The following ZNF404 variants were observed in gnomAD, a reference collection of about 807,000 sequenced individuals.
ZNF404 encodes zinc finger protein 404.
A neutral mutation model predicts 7.3 loss-of-function variants in ZNF404; 7 were observed. The ratio of observed to expected loss-of-function variants is 0.95; its 90% CI spans 0.54 to 1.79. The LOEUF is 1.79. Ranked by LOEUF, ZNF404 falls within the 40% of genes most tolerant of loss-of-function variation. The pLI, the probability that ZNF404 is intolerant of heterozygous loss-of-function variation, is 0.00. For synonymous variants in ZNF404, 191 were observed against 209.9 expected (o/e 0.91, Z 0.78); for missense variants, 560 against 661.5 (o/e 0.85, Z 1.68).
chr19:43,872,924 T>C lies in ZNF404; in HGVS notation c.1290A>G (p.Gln430=), dbSNP rs776985372. 8.1e-6 allele frequency: 13 copies of C among 1,608,066 alleles called. No homozygotes were observed. The highest frequency in any genetic ancestry group is 1.1e-5 in the Non-Finnish European group (13 of 1,176,646). The stretch of plus-strand genomic sequence containing the variant: ...AGGGTTTCTCCCCAGCATGAATTGA[T>C]TGATGTGTCTTAAGGTCTCCAACAC... The part of the protein sequence containing the change: ...FSRVGDLKTH[Q]SIHAGEKPYE... Residue 430 remains glutamine (Q), a synonymous_variant, in exon 3 of 3, where the codon CAA becomes CAG. Transcript: ENST00000587539. The surrounding 1 kb of genome is among the most constrained non-coding windows in gnomAD (Gnocchi z 4.4).
chr19:43,873,225 A>C lies in ZNF404; in HGVS notation c.989T>G (p.Met330Arg). Residue 330 changes from methionine to arginine, a missense_variant, in exon 3 of 3, where the codon ATG becomes AGG. Physicochemically the swap from Met to Arg is moderately conservative, Grantham distance 91. Coordinates refer to ENST00000587539, the MANE Select transcript of ZNF404 (RefSeq NM_001033719.3). ...SHTGEKPHEC[M>R]ECGKAFGKGS... ...CTTACCAAAAGCCTTTCCACATTCC[A>C]TGCATTCATGAGGTTTCTCACCAGT... 1 of 1,613,424 alleles carries C rather than the reference A, an allele frequency of 6.2e-7. No individual in the cohort carries two copies.
chr19:43,880,655 A>G (rs1971888118), intron 1 of ZNF404, among the ~76,000 whole-genome samples: 1 of 152,198 alleles, frequency 6.6e-6, no homozygotes, highest in African/African-American at 2.4e-5. Flanking sequence ...TTCAAGACAG[A>G]AAACATTGCG....
intron 1 of ZNF404, among the ~76,000 whole-genome samples, chr19:43,881,365 A>G (rs1347821660): frequency 1.3e-5 from 2 of 152,234 alleles, no homozygotes; most frequent in Non-Finnish European, 2.9e-5. Flanking sequence ...CATTAAAACT[A>G]TCAAGTGAGT....
intron 2 of ZNF404, among the ~76,000 whole-genome samples, chr19:43,877,768 G>A (rs1971861259): frequency 7.7e-6 from 1 of 130,302 alleles, no homozygotes; most frequent in Non-Finnish European, 1.6e-5. Context: ...AGAGTGTGAT[G>A]TTCCCCTTCC....
intron 1 of ZNF404, among the ~76,000 whole-genome samples, chr19:43,882,791 TA>T (rs529329255): frequency 6.5e-3 from 782 of 120,646 alleles, no homozygotes; most frequent in Middle Eastern, 0.018. Context: ...ACCCCATCTC[TA>T]AAAAAAAAAA....
Position 43,873,629 on chromosome 19 carries a change from G to C in ZNF404, c.585C>G (p.Ala195=). ...KPYECNGCEK[A]FRFYSQLIQH... is the part of the protein sequence containing the mutation. ...GAATAAGCTGTGAATAAAACCTAAAGGCCTTCTCACATCCATTGCATTCAT... is the reference window on the plus strand; with the variant it reads ...GAATAAGCTGTGAATAAAACCTAAACGCCTTCTCACATCCATTGCATTCAT... Residue 195 remains alanine, a synonymous_variant, in exon 3 of 3, where the codon GCC becomes GCG. Coordinates refer to ENST00000587539, the MANE Select transcript of ZNF404 (RefSeq NM_001033719.3). The C allele has an allele frequency of 6.2e-7, 1 of 1,613,336 alleles. No individual in the cohort carries two copies.
In ZNF404 at chr19:43,880,045, A is replaced by G. The variant is rs772207400; in HGVS notation, c.101T>C (p.Val34Ala). 5 of 1,613,776 alleles carry G rather than the reference A, an allele frequency of 3.1e-6. No individual in the cohort carries two copies. The highest frequency in any genetic ancestry group is 4.2e-6 in the Non-Finnish European group (5 of 1,179,728). Residue 34 changes from valine to alanine, a missense_variant, in exon 2 of 3, where the codon GTG becomes GCG. By Grantham distance (64) the Val-to-Ala change is moderately conservative. Transcript: ENST00000587539. Reference protein sequence around the residue: ...NSDQRDLYRDVMLENYTNLVS... With the variant: ...NSDQRDLYRDAMLENYTNLVS... ...CAAGTTAGTATAATTCTCCAACATC[A>G]CATCTCTGTACAAATCCCTCTGATC...
At position 43,882,158 on chromosome 19, in the gene ZNF404, G is replaced by A. The variant is rs549033053; in HGVS notation, c.9+1798C>T. ...AAGAGTATGTGGTGTTTGCATAAAC[G>A]TAGACAAATAAGTCAATGGAACAGA... On this transcript the variant is annotated intron_variant, in intron 1 of 2. Coordinates refer to ENST00000587539, the MANE Select transcript of ZNF404 (RefSeq NM_001033719.3). Among the ~76,000 whole-genome samples the A allele has an allele frequency of 7.0e-4, 107 of 152,190 alleles. 1 individual carries two copies. The highest frequency in any genetic ancestry group is 2.5e-3 in the African/African-American group (102 of 41,518).
At chr19:43,883,884 TA>T in intron 1 of ZNF404, 71 bp downstream of exon 1, 3 of 1,539,190 alleles carry the variant, frequency 1.9e-6, no homozygotes, top group Non-Finnish European at 2.7e-6. Flanking sequence ...GTTTCAGGAT[TA>T]AAAAAATGAA....
chr19:43,877,150 T>C (rs1971854959), intron 2 of ZNF404, among the ~76,000 whole-genome samples: 1 of 152,210 alleles, frequency 6.6e-6, no homozygotes, highest in East Asian at 1.9e-4. Flanking sequence ...TAAGATGTTA[T>C]CATTATAGGA....
At chr19:43,877,075 T>C (rs1033353921) in intron 2 of ZNF404, among the ~76,000 whole-genome samples, 33 of 152,116 alleles carry the variant, frequency 2.2e-4, no homozygotes, top group African/African-American at 7.5e-4. Flanking sequence ...GTTTTGCTAA[T>C]AGTTTGCCTA....
intron 2 of ZNF404, among the ~76,000 whole-genome samples, chr19:43,879,512 A>C (rs1048240661): frequency 2.0e-5 from 3 of 152,186 alleles, no homozygotes; most frequent in African/African-American, 7.2e-5. Flanking sequence ...AGATCACTGG[A>C]AGCCAACAGG....
At chr19:43,875,123 AAGTG>A (rs1971842957) in intron 2 of ZNF404, among the ~76,000 whole-genome samples, 1 of 152,198 alleles carries the variant, frequency 6.6e-6, no homozygotes, top group Non-Finnish European at 1.5e-5. Context: ...TCAAGAATAT[AAGTG>A]GAAAAGGCTG....
chr19:43,874,992 T>A (rs1395653015), intron 2 of ZNF404, among the ~76,000 whole-genome samples: 1 of 152,160 alleles, frequency 6.6e-6, no homozygotes, highest in African/African-American at 2.4e-5. Context: ...CCATTTCATT[T>A]CTGAAAATTA....
chr19:43,876,293 G>A (rs575568918), intron 2 of ZNF404, among the ~76,000 whole-genome samples: 13 of 152,158 alleles, frequency 8.5e-5, no homozygotes, highest in South Asian at 8.3e-4. Context: ...TAGCCTGGGC[G>A]ACAGAGTGAG....
chr19:43,872,754 C>T lies in ZNF404; in HGVS notation c.1460G>A (p.Arg487Lys). 1 of 1,612,718 alleles carries T rather than the reference C, an allele frequency of 6.2e-7. No individual in the cohort carries two copies. ...ATAGGGTTTTTCACCAGTATGAATT[C>T]TCTTATGTTGAGAAAGACCTGAGAT... is the stretch of plus-strand genomic sequence containing the variant. ...RSISGLSQHK[R>K]IHTGEKPYEC... The change falls in exon 3 of 3, where the codon AGA becomes AAA. Residue 487 changes from arginine to lysine, a missense_variant. Transcript: ENST00000587539. The surrounding 1 kb of genome is among the most constrained non-coding windows in gnomAD (Gnocchi z 4.4).
chr19:43,876,504 G>T (rs1302770615), intron 2 of ZNF404, among the ~76,000 whole-genome samples: 2 of 151,746 alleles, frequency 1.3e-5, no homozygotes, highest in Non-Finnish European at 2.9e-5. Context: ...TGACAAGGGG[G>T]AAATGACCAT....
intron 1 of ZNF404, 81 bp from the exon 2 acceptor site, chr19:43,880,217 A>G: frequency 8.0e-7 from 1 of 1,251,788 alleles, no homozygotes; most frequent in Non-Finnish European, 1.1e-6. Flanking sequence ...ATAAAGGGGC[A>G]ATATGTAAAA....
chr19:43,880,657 A>G (rs1971888144), intron 1 of ZNF404, among the ~76,000 whole-genome samples: 2 of 152,194 alleles, frequency 1.3e-5, no homozygotes, highest in African/African-American at 4.8e-5. Flanking sequence ...CAAGACAGAA[A>G]ACATTGCGCA....
Sources: allele counts gnomAD v4.1 joint callset (sites outside exome capture counted in the v4.1 genomes callset), GRCh38; gene constraint gnomAD v4.1.1; non-coding constraint Gnocchi (gnomAD v3.1); transcripts MANE v1.5; gene names NCBI Gene and HGNC (gene_info 2026-07-23, HGNC 2026-07-21).